Variants in FAM135B observed in about 807,000 individuals in gnomAD.
FAM135B encodes the protein family with sequence similarity 135 member B, also known as protein FAM135B.
Under a neutral mutation model 127.7 loss-of-function variants are expected in FAM135B, and 43 were observed. That is an observed-to-expected ratio of 0.34 (90% CI 0.26 to 0.43). FAM135B has a LOEUF of 0.43. Among genes scored for constraint, FAM135B ranks in the 20% least tolerant of loss-of-function variants. The pLI, the probability that FAM135B is intolerant of heterozygous loss-of-function variation, is 1.00. For missense variants in FAM135B, 1,558 were observed against 1,725.6 expected, an observed-to-expected ratio of 0.90 and a Z score of 1.72; for synonymous variants, 670 against 665.1, an observed-to-expected ratio of 1.01 and a Z score of -0.11.
chr8:138,361,505 C>T (rs1274858120), intron 2 of FAM135B, among the ~76,000 whole-genome samples: 2 of 152,178 alleles, frequency 1.3e-5, no homozygotes, highest in Admixed American at 1.3e-4. Flanking sequence ...AAGATCAGAT[C>T]TTTACTCTGA....
chr8:138,307,651 C>A (rs1379103041), intron 3 of FAM135B, among the ~76,000 whole-genome samples: 1 of 150,356 alleles, frequency 6.7e-6, no homozygotes, highest in Non-Finnish European at 1.5e-5. Context: ...TTGTATCAAG[C>A]ACTATGCTAG....
At chr8:138,206,474 C>G (rs1817632996) in intron 7 of FAM135B, among the ~76,000 whole-genome samples, 5 of 151,242 alleles carry the variant, frequency 3.3e-5, no homozygotes, top group African/African-American at 1.2e-4. Flanking sequence ...GCATCCCCTC[C>G]ACCTACACAC....
intron 6 of FAM135B, among the ~76,000 whole-genome samples, chr8:138,245,276 C>G (rs1322633847): frequency 6.6e-6 from 1 of 152,140 alleles, no homozygotes; most frequent in Non-Finnish European, 1.5e-5. Flanking sequence ...GTATCAGGGA[C>G]CCCATTATAA....
At chr8:138,246,591 T>A (rs969783901) in intron 6 of FAM135B, among the ~76,000 whole-genome samples, 6 of 152,212 alleles carry the variant, frequency 3.9e-5, no homozygotes, top group Non-Finnish European at 7.3e-5. Flanking sequence ...AACTCCTGGA[T>A]GTCCAGGCAG....
rs2130787517 is a variant in FAM135B at position 138,152,975 on chromosome 8, C to A, written c.1500G>T (p.Val500=). The A allele has an allele frequency of 1.2e-6, 2 of 1,614,234 alleles. No homozygotes were observed. Among genetic ancestry groups the A allele is most frequent in the South Asian group, 2.2e-5 (2 of 91,092 alleles). Residue 500 remains valine (V), a synonymous_variant, in exon 13 of 20, where the codon GTG becomes GTT. Coordinates refer to ENST00000395297, the MANE Select transcript of FAM135B (RefSeq NM_015912.4). ...NHMDMCSESQ[V]YISIGEFQNK... ...TTTGAAATTCACCAATTGATATATACACCTGAGATTCAGAGCACATGTCCA... is the reference window on the plus strand; with the variant it reads ...TTTGAAATTCACCAATTGATATATAAACCTGAGATTCAGAGCACATGTCCA...
intron 16 of FAM135B, chr8:138,142,797 A>G (rs1046588298): frequency 2.8e-5 from 13 of 457,132 alleles, no homozygotes; most frequent in African/African-American, 3.9e-5. Flanking sequence ...ACAGAACTAC[A>G]AAATTTTTAT....
chr8:138,236,244 T>A (rs1166413928), intron 7 of FAM135B, among the ~76,000 whole-genome samples: 3 of 151,966 alleles, frequency 2.0e-5, no homozygotes, highest in African/African-American at 7.3e-5. Flanking sequence ...GAGTCTAGAG[T>A]CCCACTTCTG....
chr8:138,476,754 T>G (rs552034339), intron 1 of FAM135B, among the ~76,000 whole-genome samples: 277 of 152,288 alleles, frequency 1.8e-3, no homozygotes, highest in Non-Finnish European at 3.1e-3. Flanking sequence ...TTTTTCCCCT[T>G]GTGCATTAAG....
chr8:138,140,897 C>T (rs1305035830), intron 17 of FAM135B, among the ~76,000 whole-genome samples: 1 of 152,204 alleles, frequency 6.6e-6, no homozygotes, highest in Admixed American at 6.5e-5. Flanking sequence ...GATTCAGAGT[C>T]CCTGTTCTCT....
At chr8:138,212,036 C>G (rs1586787126) in intron 7 of FAM135B, among the ~76,000 whole-genome samples, 1 of 152,088 alleles carries the variant, frequency 6.6e-6, no homozygotes, top group South Asian at 2.1e-4. Flanking sequence ...CCACTGCACT[C>G]CACCCTTGGT....
intron 1 of FAM135B, among the ~76,000 whole-genome samples, chr8:138,403,291 T>C (rs2131371519): frequency 6.6e-6 from 1 of 152,176 alleles, no homozygotes; most frequent in Middle Eastern, 3.4e-3. Context: ...CAAAGCCCTC[T>C]CACCTTCCAT....
At chr8:138,160,875 A>C (rs1047668478) in intron 12 of FAM135B, among the ~76,000 whole-genome samples, 1 of 152,206 alleles carries the variant, frequency 6.6e-6, no homozygotes, top group Non-Finnish European at 1.5e-5. Context: ...TGTAAATATC[A>C]AAGCATTTCT....
intron 2 of FAM135B, among the ~76,000 whole-genome samples, chr8:138,348,557 G>A (rs966027220): frequency 1.3e-5 from 2 of 152,104 alleles, no homozygotes; most frequent in South Asian, 2.1e-4. Flanking sequence ...TTCTTCCCTG[G>A]CAGTAGCTTT....
intron 7 of FAM135B, among the ~76,000 whole-genome samples, chr8:138,204,241 C>T (rs568630290): frequency 6.6e-6 from 1 of 152,164 alleles, no homozygotes; most frequent in Non-Finnish European, 1.5e-5. Flanking sequence ...TATGCTCTTG[C>T]CGTTGGAAAT....
chr8:138,324,245 C>G (rs1466405202), intron 2 of FAM135B, among the ~76,000 whole-genome samples: 1 of 152,170 alleles, frequency 6.6e-6, no homozygotes, highest in African/African-American at 2.4e-5. Flanking sequence ...CCATATACAG[C>G]TAAGGAAGTA....
intron 1 of FAM135B, among the ~76,000 whole-genome samples, chr8:138,382,317 C>T (rs912266917): frequency 2.0e-5 from 3 of 152,180 alleles, no homozygotes; most frequent in Non-Finnish European, 4.4e-5. Context: ...AATCCGTCTT[C>T]CCTGTGCTCT....
intron 1 of FAM135B, among the ~76,000 whole-genome samples, chr8:138,468,345 C>T (rs929687490): frequency 1.3e-5 from 2 of 152,164 alleles, no homozygotes; most frequent in Admixed American, 1.3e-4. Context: ...ATTGCGTTTT[C>T]TGAGTCTGCT....
chr8:138,461,321 T>C (rs1027351605), intron 1 of FAM135B, among the ~76,000 whole-genome samples: 5 of 152,100 alleles, frequency 3.3e-5, no homozygotes, highest in Non-Finnish European at 5.9e-5. Flanking sequence ...AATTCTCATT[T>C]GTAAAATAAG....
chr8:138,414,918 G>T (rs1563982820), intron 1 of FAM135B, among the ~76,000 whole-genome samples: 2 of 152,110 alleles, frequency 1.3e-5, no homozygotes, highest in Admixed American at 6.6e-5. Flanking sequence ...CACACAGCAG[G>T]TCCCTGAGTT....
Sources: gnomAD v4.1 joint callset for allele counts (sites outside exome capture counted in the v4.1 genomes callset) on GRCh38, gnomAD v4.1.1 for gene constraint, MANE v1.5 for transcripts, NCBI Gene and HGNC (gene_info 2026-07-23, HGNC 2026-07-21) for gene names.